The following TENM4 variants were observed in gnomAD, a reference collection of about 807,000 sequenced individuals.
TENM4 encodes teneurin transmembrane protein 4.
TENM4 carries 82 observed loss-of-function variants against 243.3 expected under a neutral mutation model. The observed-to-expected ratio is 0.34, with a 90% CI of 0.28 to 0.40. The LOEUF is 0.40. Ranked by LOEUF, TENM4 falls within the 10% of genes least tolerant of loss-of-function variation. TENM4 has a pLI of 1.00. For synonymous variants in TENM4, 1,412 were observed against 1,456.3 expected, an observed-to-expected ratio of 0.97 and a Z score of 0.69; for missense variants, 3,138 against 3,673.3, an observed-to-expected ratio of 0.85 and a Z score of 3.77.
chr11:78,734,913 G>A lies in TENM4; in HGVS notation c.2877-2336C>T, dbSNP rs75472462. 2.4e-3 allele frequency among the ~76,000 whole-genome samples: 370 copies of A among 152,296 alleles called. 2 individuals carry two copies. Among genetic ancestry groups the A allele is most frequent in the Non-Finnish European group, 4.4e-3 (299 of 68,028 alleles). On this transcript the variant is annotated intron_variant, in intron 20 of 33. Coordinates refer to ENST00000278550, the MANE Select transcript of TENM4 (RefSeq NM_001098816.3). ...AACTGACATCTACTAAACACCCTAC[G>A]TCCCTTCTTACTTTGGCTGTTACTG...
chr11:79,175,214 T>A (rs1863134331), intron 3 of TENM4, among the ~76,000 whole-genome samples: 1 of 152,184 alleles, frequency 6.6e-6, no homozygotes, highest in Admixed American at 6.5e-5. Flanking sequence ...AAATGTCCAA[T>A]GCCTATAGCT....
chr11:79,292,187 C>T (rs183536331), intron 2 of TENM4, among the ~76,000 whole-genome samples: 254 of 152,246 alleles, frequency 1.7e-3, no homozygotes, highest in Non-Finnish European at 2.9e-3. Context: ...AACAAGTCAA[C>T]GGTCCATGAG....
Position 78,903,462 on chromosome 11 carries a change from G to A in TENM4, c.555C>T (p.His185=). ...CGTGGTGCTGGTTGGGGGTGTGGGCGTGCGAGAGCGGCGGCGGCGGCGTCC... is the reference window on the plus strand; with the variant it reads ...CGTGGTGCTGGTTGGGGGTGTGGGCATGCGAGAGCGGCGGCGGCGGCGTCC... ...RLRTPPPPLS[H]AHTPNQHHAA... Residue 185 remains histidine, a synonymous_variant, in exon 7 of 34, where the codon CAC becomes CAT. Coordinates refer to ENST00000278550, the MANE Select transcript of TENM4 (RefSeq NM_001098816.3). 2.6e-6 allele frequency: 4 copies of A among 1,548,868 alleles called. No homozygotes were observed. In the East Asian group the frequency reaches 7.3e-5, roughly 28 times the overall value.
chr11:79,396,656 G>A (rs536848316), intron 1 of TENM4, among the ~76,000 whole-genome samples: 3 of 152,192 alleles, frequency 2.0e-5, no homozygotes, highest in African/African-American at 4.8e-5. Flanking sequence ...GCATAATAGC[G>A]CTCCAGCGGC....
At chr11:78,940,392 G>A (rs1265435009) in intron 6 of TENM4, among the ~76,000 whole-genome samples, 5 of 152,184 alleles carry the variant, frequency 3.3e-5, no homozygotes, top group African/African-American at 1.2e-4. Context: ...CTGCCAAGGG[G>A]TAGGCTAAGT....
At chr11:79,349,331 T>C (rs1031769258) in intron 1 of TENM4, among the ~76,000 whole-genome samples, 2 of 152,192 alleles carry the variant, frequency 1.3e-5, no homozygotes, top group African/African-American at 2.4e-5. Context: ...AAAAAAAGAT[T>C]TCACCGACGT....
chr11:78,893,775 T>TCACACACACACACACACACACA (rs1223569491), intron 7 of TENM4, among the ~76,000 whole-genome samples: 2 of 23,738 alleles, frequency 8.4e-5, no homozygotes, highest in African/African-American at 4.0e-4. Context: ...TTTCAGGACT[T>TCACACACACACACACACACACA]CACATACACA....
At chr11:78,889,449 C>A (rs1286991220) in intron 9 of TENM4, among the ~76,000 whole-genome samples, 1 of 152,212 alleles carries the variant, frequency 6.6e-6, no homozygotes, top group Admixed American at 6.5e-5. Flanking sequence ...TGTATTGACT[C>A]AATCCATGAC....
intron 6 of TENM4, among the ~76,000 whole-genome samples, chr11:79,002,995 C>T (rs1316189336): frequency 6.6e-6 from 1 of 152,038 alleles, no homozygotes; most frequent in Non-Finnish European, 1.5e-5. Flanking sequence ...GATAAATTCA[C>T]TTTAAGAATT....
At chr11:78,761,332 C>T (rs913197511) in intron 18 of TENM4, among the ~76,000 whole-genome samples, 5 of 151,976 alleles carry the variant, frequency 3.3e-5, no homozygotes, top group East Asian at 3.9e-4. Context: ...CTCCGCCTCC[C>T]GGGTTCCCAC....
chr11:79,192,007 G>A (rs1452437350), intron 3 of TENM4, among the ~76,000 whole-genome samples: 3 of 150,858 alleles, frequency 2.0e-5, no homozygotes, highest in African/African-American at 4.9e-5. Context: ...GCCTCTGCCC[G>A]GCTGCCCCTA....
At chr11:79,392,601 T>A (rs1858258313) in intron 1 of TENM4, among the ~76,000 whole-genome samples, 1 of 152,224 alleles carries the variant, frequency 6.6e-6, no homozygotes, top group Non-Finnish European at 1.5e-5. Context: ...TTGGGCTGCC[T>A]GGGCCCTGCC....
intron 32 of TENM4, among the ~76,000 whole-genome samples, chr11:78,662,315 C>T (rs747644338): frequency 6.6e-5 from 10 of 151,836 alleles, no homozygotes; most frequent in South Asian, 4.2e-4. Context: ...GTCAGCCTCC[C>T]GAGTAGCTGG....
At chr11:79,120,378 A>T (rs1861716474) in intron 4 of TENM4, among the ~76,000 whole-genome samples, 1 of 152,174 alleles carries the variant, frequency 6.6e-6, no homozygotes. Flanking sequence ...CCATCCATCC[A>T]CCCATCTGTC....
rs201724308 is a variant in TENM4, at chr11:79,283,246, ACAC to A, written c.-265+14239_-265+14241del. ...CACACACACACACACACACACACAC[ACAC>A]AAGTACAGATGAATATCTCCCAAAA... On this transcript the variant is annotated intron_variant, in intron 2 of 33. Coordinates refer to ENST00000278550, the MANE Select transcript of TENM4 (RefSeq NM_001098816.3). Among the ~76,000 whole-genome samples, 404 of 151,252 alleles carry A rather than the reference ACAC, an allele frequency of 2.7e-3. 4 individuals carry two copies. Among genetic ancestry groups the A allele is most frequent in the African/African-American group, 9.5e-3 (387 of 40,924 alleles).
At chr11:78,779,198 A>G (rs1488868804) in intron 16 of TENM4, among the ~76,000 whole-genome samples, 1 of 152,254 alleles carries the variant, frequency 6.6e-6, no homozygotes, top group Admixed American at 6.5e-5. Context: ...TCTGTTTGCC[A>G]TTCTTGAATT....
At chr11:78,825,758 G>A (rs1165137944) in intron 12 of TENM4, among the ~76,000 whole-genome samples, 3 of 152,196 alleles carry the variant, frequency 2.0e-5, no homozygotes, top group Admixed American at 2.0e-4. Context: ...GTAAGAGCCA[G>A]ATCCAGAATA....
At position 79,134,169 on chromosome 11, in the gene TENM4, A is replaced by G. The variant is rs529843840; in HGVS notation, c.-66+14541T>C. On this transcript the variant is annotated intron_variant, in intron 4 of 33. Coordinates refer to ENST00000278550, the MANE Select transcript of TENM4 (RefSeq NM_001098816.3). ...CAAAGTTTCCAGATAGAAGATTAAT[A>G]TATACAAATTAGTAGCTCTTCTATA... 2.6e-5 allele frequency among the ~76,000 whole-genome samples: 4 copies of G among 152,220 alleles called. No homozygotes were observed. In the East Asian group the frequency reaches 7.7e-4, roughly 29 times the overall value.
rs1858676078 is a variant in TENM4, at chr11:78,856,171, G to T, written c.1263C>A (p.Pro421=). Residue 421 remains proline (P), a synonymous_variant, in exon 11 of 34, where the codon CCC becomes CCA. Transcript: ENST00000278550. ...AACTGTCCTCTGGAAAGAAACTACT[G>T]GGCTTTCCTACCAAGATAGAGGGAA... The part of the protein sequence containing the change: ...RKGKGTTEGK[P]SSFFPEDSFI... The T allele has an allele frequency of 1.3e-6, 2 of 1,551,132 alleles. No individual in the cohort carries two copies. Among genetic ancestry groups the T allele is most frequent in the East Asian group, 2.4e-5 (1 of 40,922 alleles).
Sources: allele counts gnomAD v4.1 joint callset (sites outside exome capture counted in the v4.1 genomes callset), GRCh38; gene constraint gnomAD v4.1.1; transcripts MANE v1.5; gene names NCBI Gene and HGNC (gene_info 2026-07-23, HGNC 2026-07-21).